AFP: variants seen among roughly 807,000 people sequenced by gnomAD.
AFP encodes the protein alpha fetoprotein.
AFP carries 64 observed loss-of-function variants against 78.9 expected under a neutral mutation model. The ratio of observed to expected loss-of-function variants is 0.81; its 90% CI spans 0.66 to 1.00. AFP has a LOEUF of 1.00. Ranked by LOEUF, AFP falls within the 50% of genes least tolerant of loss-of-function variation. The pLI is 0.00. For missense variants in AFP, 689 were observed against 703.8 expected, an observed-to-expected ratio of 0.98 and a Z score of 0.24; for synonymous variants, 254 against 243.8, an observed-to-expected ratio of 1.04 and a Z score of -0.39.
intron 7 of AFP, among the ~76,000 whole-genome samples, chr4:73,447,094 C>A (rs944614706): frequency 2.0e-5 from 3 of 152,058 alleles, no homozygotes; most frequent in Non-Finnish European, 1.5e-5. Flanking sequence ...GCACTTAGGA[C>A]ATTATACTTG....
intron 11 of AFP, among the ~76,000 whole-genome samples, chr4:73,452,089 C>T (rs1358570671): frequency 1.3e-5 from 2 of 152,144 alleles, no homozygotes; most frequent in African/African-American, 4.8e-5. Flanking sequence ...AAGGCAGAGA[C>T]ATTTTTGTCC....
At position 73,452,501 on chromosome 4, in the gene AFP, C is replaced by T; in HGVS notation, c.1529C>T (p.Pro510Leu). ...CCTSSYANRRPCFSSLVVDET... is the reference protein window; with the variant it reads ...CCTSSYANRRLCFSSLVVDET... ...ACTTCTTCATATGCCAACAGGAGGC[C>T]ATGCTTCAGCAGCTTGGTGGTGGAT... Residue 510 changes from proline (P) to leucine (L), a missense_variant, in exon 12 of 15, where the codon CCA (proline) becomes CTA (leucine). Physicochemically the swap from Pro to Leu is moderately conservative, Grantham distance 98. Transcript: ENST00000395792. 1 of 1,614,108 alleles carries T rather than the reference C, an allele frequency of 6.2e-7. No individual in the cohort carries two copies. The highest frequency in any genetic ancestry group is 8.5e-7 in the Non-Finnish European group (1 of 1,179,982).
intron 7 of AFP, among the ~76,000 whole-genome samples, chr4:73,446,361 A>G (rs1195018497): frequency 6.6e-6 from 1 of 152,090 alleles, no homozygotes; most frequent in Non-Finnish European, 1.5e-5. Context: ...GCTCATAACC[A>G]CCCTTTTCCT....
intron 1 of AFP, 43 bp downstream of exon 1, chr4:73,436,390 AT>A: frequency 1.8e-6 from 2 of 1,131,736 alleles, no homozygotes; most frequent in Non-Finnish European, 2.5e-6. Flanking sequence ...CTATATCAAA[AT>A]TTTTTAAATT....
At chr4:73,437,046 T>C (rs1719529148) in intron 1 of AFP, 114 bp from the exon 2 acceptor site, 13 of 831,680 alleles carry the variant, frequency 1.6e-5, no homozygotes, top group Non-Finnish European at 2.6e-5. Context: ...CTAATGTTCT[T>C]TTAATTCTGA....
intron 12 of AFP, among the ~76,000 whole-genome samples, chr4:73,453,054 G>T (rs541540583): frequency 4.6e-5 from 7 of 152,244 alleles, no homozygotes; most frequent in African/African-American, 1.7e-4. Flanking sequence ...TGCAGTTTGG[G>T]TGTTAAGAAA....
chr4:73,454,327 C>A (rs528600108), intron 13 of AFP, among the ~76,000 whole-genome samples: 14 of 152,066 alleles, frequency 9.2e-5, no homozygotes, highest in African/African-American at 3.4e-4. Context: ...TTTTGTACAT[C>A]AACAGAGTAG....
intron 2 of AFP, among the ~76,000 whole-genome samples, chr4:73,437,782 A>G (rs1417213235): frequency 1.3e-5 from 2 of 152,062 alleles, no homozygotes; most frequent in African/African-American, 4.8e-5. Context: ...GACCTTGATC[A>G]TACTGGGAAT....
At chr4:73,445,660 A>G (rs1404488159) in intron 7 of AFP, among the ~76,000 whole-genome samples, 1 of 152,178 alleles carries the variant, frequency 6.6e-6, no homozygotes, top group Non-Finnish European at 1.5e-5. Flanking sequence ...AAGGCATTCT[A>G]TAATAGTTTG....
chr4:73,441,203 AAGTT>A (rs765514623), intron 4 of AFP, among the ~76,000 whole-genome samples: 2 of 152,140 alleles, frequency 1.3e-5, no homozygotes, highest in Non-Finnish European at 2.9e-5. Context: ...CTAGAAATAA[AAGTT>A]AGAGATCCAA....
intron 10 of AFP, 52 bp downstream of exon 10, chr4:73,450,185 G>A (rs936684039): frequency 5.8e-6 from 8 of 1,380,128 alleles, no homozygotes; most frequent in Non-Finnish European, 7.1e-6. Context: ...TAAAGAGAAT[G>A]TAGCCTTCCC....
chr4:73,450,202 C>G (rs1214532939), intron 10 of AFP, 69 bp downstream of exon 10: 2 of 1,261,632 alleles, frequency 1.6e-6, no homozygotes, highest in Non-Finnish European at 2.3e-6. Flanking sequence ...TCCCCATTCT[C>G]CTCCTTTGGA....
intron 6 of AFP, 125 bp downstream of exon 6, chr4:73,443,569 A>T (rs1428087214): frequency 1.4e-6 from 1 of 723,216 alleles, no homozygotes; most frequent in East Asian, 2.7e-5. Context: ...CCCTTTGATG[A>T]GGGCTAATGG....
intron 6 of AFP, 90 bp from the exon 7 acceptor site, chr4:73,444,903 G>T: frequency 3.5e-6 from 4 of 1,157,480 alleles, no homozygotes; most frequent in South Asian, 1.5e-5. Context: ...ATTTCTCTTT[G>T]AAACTTCTAC....
At chr4:73,450,503 G>A (rs989920372) in intron 10 of AFP, 112 bp from the exon 11 acceptor site, 5 of 1,506,146 alleles carry the variant, frequency 3.3e-6, no homozygotes, top group African/African-American at 2.8e-5. Flanking sequence ...TGAAACAAAC[G>A]AGCTGACCTC....
chr4:73,447,712 A>G (rs753164055), intron 8 of AFP, 36 bp downstream of exon 8: 1 of 1,519,116 alleles, frequency 6.6e-7, no homozygotes, highest in Non-Finnish European at 9.1e-7. Context: ...CATGCAAGTA[A>G]AAATGATTAT....
rs1344437969 is a variant in AFP at position 73,450,827 on chromosome 4, TA to T, written c.1428+75del. On this transcript the variant is annotated intron_variant, in intron 11 of 14. Transcript: ENST00000395792. ...TTGAAATAGCCTCATAATTCCCCTC[TA>T]GGGAAGACGGTAAAAACCAATGTAG... 6.1e-5 allele frequency: 98 copies of T among 1,605,014 alleles called. No individual in the cohort carries two copies. The East Asian group carries it at 2.2e-3, about 36-fold the overall frequency.
intron 4 of AFP, 77 bp downstream of exon 4, chr4:73,440,890 G>T: frequency 7.9e-7 from 1 of 1,260,840 alleles, no homozygotes; most frequent in Non-Finnish European, 1.1e-6. Flanking sequence ...TTTTTGCAAT[G>T]TACTCATGTA....
chr4:73,445,807 C>T (rs191940776), intron 7 of AFP, among the ~76,000 whole-genome samples: 4 of 152,270 alleles, frequency 2.6e-5, no homozygotes, highest in Admixed American at 2.6e-4. Flanking sequence ...GCAACAGTTT[C>T]TTGAGTGTGC....
Sources: gnomAD v4.1 joint callset for allele counts (sites outside exome capture counted in the v4.1 genomes callset) on GRCh38, gnomAD v4.1.1 for gene constraint, MANE v1.5 for transcripts, NCBI Gene and HGNC (gene_info 2026-07-23, HGNC 2026-07-21) for gene names.